The following GALNT18 variants were observed in gnomAD, a reference collection of about 807,000 sequenced individuals.
GALNT18 encodes the protein polypeptide N-acetylgalactosaminyltransferase 18.
GALNT18 carries 44 observed loss-of-function variants against 69.5 expected under a neutral mutation model. The observed-to-expected ratio is 0.63, with a 90% CI of 0.50 to 0.81. The LOEUF (loss-of-function observed/expected upper bound fraction) is 0.81. Ranked by LOEUF, GALNT18 falls within the 40% of genes least tolerant of loss-of-function variation. GALNT18 has a pLI of 0.00. For missense variants in GALNT18, 715 were observed against 810.0 expected, an observed-to-expected ratio of 0.88 and a Z score of 1.42; for synonymous variants, 364 against 318.2, an observed-to-expected ratio of 1.14 and a Z score of -1.53.
chr11:11,350,648 T>C (rs901547), intron 6 of GALNT18, among the ~76,000 whole-genome samples: 62,233 of 151,900 alleles, frequency 0.41, 13,699 homozygotes, highest in East Asian at 0.86. Context: ...GTCAGGAGGG[T>C]GCAAATCGAT....
At chr11:11,478,348 A>G (rs1382712935) in intron 1 of GALNT18, among the ~76,000 whole-genome samples, 3 of 152,220 alleles carry the variant, frequency 2.0e-5, no homozygotes, top group Non-Finnish European at 4.4e-5. Flanking sequence ...CAAAATATTT[A>G]TTTCCCATGG....
chr11:11,512,930 C>T (rs1025368642), intron 1 of GALNT18, among the ~76,000 whole-genome samples: 5 of 152,158 alleles, frequency 3.3e-5, no homozygotes, highest in East Asian at 1.9e-4. Flanking sequence ...TGTCTGTGTG[C>T]GTGGTACCTG....
chr11:11,278,831 TTAAAATAAC>T (rs1213168923), intron 10 of GALNT18, among the ~76,000 whole-genome samples: 1 of 152,134 alleles, frequency 6.6e-6, no homozygotes, highest in East Asian at 1.9e-4. Context: ...ATTGTATACT[TTAAAATAAC>T]TAAAAGTAGA....
intron 2 of GALNT18, among the ~76,000 whole-genome samples, chr11:11,443,367 A>G (rs1195703192): frequency 1.3e-5 from 2 of 152,100 alleles, no homozygotes; most frequent in African/African-American, 4.8e-5. Flanking sequence ...TCCATTTTTC[A>G]AAAAGAAATG....
chr11:11,522,591 T>A (rs1857425054), intron 1 of GALNT18, among the ~76,000 whole-genome samples: 2 of 152,174 alleles, frequency 1.3e-5, no homozygotes, highest in Admixed American at 1.3e-4. Context: ...CCATGCCACA[T>A]GCCACGCTCC....
Position 11,606,037 on chromosome 11 carries a change from T to C in GALNT18, c.235+15322A>G, listed in dbSNP as rs1251384902. ...CGTTCCTGTCCCTGACCCAAAAGCATAGCATAGAACAGCCTCTCAGAAGCC... is the reference window on the plus strand; with the variant it reads ...CGTTCCTGTCCCTGACCCAAAAGCACAGCATAGAACAGCCTCTCAGAAGCC... On this transcript the variant is annotated intron_variant, in intron 1 of 10. Coordinates refer to ENST00000227756, the MANE Select transcript of GALNT18 (RefSeq NM_198516.3). This position sits in a 1 kb window ranked among gnomAD's most constrained non-coding sequence, Gnocchi z 5.4. Among the ~76,000 whole-genome samples the C allele has an allele frequency of 6.6e-6, 1 of 152,156 alleles. No individual in the cohort carries two copies. The highest frequency in any genetic ancestry group is 2.4e-5 in the African/African-American group (1 of 41,430).
intron 9 of GALNT18, among the ~76,000 whole-genome samples, chr11:11,302,975 G>A (rs917950874): frequency 2.0e-5 from 3 of 152,220 alleles, no homozygotes; most frequent in Non-Finnish European, 2.9e-5. Flanking sequence ...ATAGGACAAA[G>A]CTCGAGTGAC....
In GALNT18 at chr11:11,469,895, C is replaced by A. The variant is rs1590031162; in HGVS notation, c.236-20959G>T. On this transcript the variant is annotated intron_variant, in intron 1 of 10. Coordinates refer to ENST00000227756, the MANE Select transcript of GALNT18 (RefSeq NM_198516.3). The surrounding 1 kb of genome is among the most constrained non-coding windows in gnomAD (Gnocchi z 4.2). ...AGAAGAGCATATTTAAGGACATAGT[C>A]ATTCCATCAGGCCCCCAGAACAGGG... Among the ~76,000 whole-genome samples the A allele has an allele frequency of 6.6e-6, 1 of 152,352 alleles. No individual in the cohort carries two copies. The highest frequency in any genetic ancestry group is 1.5e-5 in the Non-Finnish European group (1 of 68,032).
intron 9 of GALNT18, among the ~76,000 whole-genome samples, chr11:11,301,747 AC>A (rs1402074739): frequency 6.6e-6 from 1 of 151,856 alleles, no homozygotes; most frequent in Non-Finnish European, 1.5e-5. Flanking sequence ...TTCAACAAAC[AC>A]CCTCTTTGCC....
At chr11:11,455,445 A>C (rs1422418739) in intron 1 of GALNT18, among the ~76,000 whole-genome samples, 1 of 152,144 alleles carries the variant, frequency 6.6e-6, no homozygotes, top group African/African-American at 2.4e-5. Flanking sequence ...GGCTTCCTAA[A>C]GGAAAAGATG....
Position 11,603,836 on chromosome 11 carries a change from T to C in GALNT18, c.235+17523A>G, listed in dbSNP as rs188958289. ...TGCTATCATAAATAAATGTGTCTTA[T>C]GCATATATGTGTAACCACTTGCCAT... On this transcript the variant is annotated intron_variant, in intron 1 of 10. Coordinates refer to ENST00000227756, the MANE Select transcript of GALNT18 (RefSeq NM_198516.3). The surrounding 1 kb of genome is among the most constrained non-coding windows in gnomAD (Gnocchi z 4.5). Among the ~76,000 whole-genome samples the C allele has an allele frequency of 1.1e-4, 16 of 152,350 alleles. No individual in the cohort carries two copies. Among genetic ancestry groups the C allele is most frequent in the Non-Finnish European group, 1.6e-4 (11 of 68,034 alleles).
intron 6 of GALNT18, among the ~76,000 whole-genome samples, chr11:11,369,857 C>A (rs1279556163): frequency 6.6e-6 from 1 of 152,066 alleles, no homozygotes; most frequent in Non-Finnish European, 1.5e-5. Flanking sequence ...AATAGGGACT[C>A]AGTAGACATA....
rs1242125910 is a variant in GALNT18, at chr11:11,377,746, A to G, written c.780-367T>C. On this transcript the variant is annotated intron_variant, in intron 4 of 10. Transcript: ENST00000227756. The surrounding 1 kb of genome is among the most constrained non-coding windows in gnomAD (Gnocchi z 4.6). ...ATCTGAGGCTCCAGAAAAAGCTTTC[A>G]CCTTGGGCTTTGATTTTGCTAAAAT... Among the ~76,000 whole-genome samples the G allele has an allele frequency of 6.6e-6, 1 of 152,180 alleles. No homozygotes were observed. The highest frequency in any genetic ancestry group is 1.5e-5 in the Non-Finnish European group (1 of 68,036).
At position 11,347,108 on chromosome 11, in the gene GALNT18, C is replaced by T. The variant is rs1850317858; in HGVS notation, c.1093-6104G>A. 1.3e-5 allele frequency among the ~76,000 whole-genome samples: 2 copies of T among 152,202 alleles called. No individual in the cohort carries two copies. The highest frequency in any genetic ancestry group is 2.9e-5 in the Non-Finnish European group (2 of 68,040). ...TTACATCTTGTATTGGCCACTCACA[C>T]AAACAAGCCTCCTGCTCCCAAGCCT... On this transcript the variant is annotated intron_variant, in intron 6 of 10. Transcript: ENST00000227756. The surrounding 1 kb of genome is among the most constrained non-coding windows in gnomAD (Gnocchi z 4.0).
In GALNT18 at chr11:11,546,883, T is replaced by C. The variant is rs1858066064; in HGVS notation, c.235+74476A>G. The stretch of plus-strand genomic sequence containing the variant: ...CAGATGAGTAAGTGGGTGGGAGATG[T>C]GTATGGATGAATGGATAGATGGGTA... On this transcript the variant is annotated intron_variant, in intron 1 of 10. Coordinates refer to ENST00000227756, the MANE Select transcript of GALNT18 (RefSeq NM_198516.3). The surrounding 1 kb of genome is among the most constrained non-coding windows in gnomAD (Gnocchi z 5.8). 6.6e-6 allele frequency among the ~76,000 whole-genome samples: 1 copy of C among 151,334 alleles called. No homozygotes were observed. The highest frequency in any genetic ancestry group is 1.5e-5 in the Non-Finnish European group (1 of 67,912).
chr11:11,541,941 G>C lies in GALNT18; in HGVS notation c.235+79418C>G, dbSNP rs986589095. ...CCTCCTGCAGGAGAATCACAGGCAA[G>C]GCAACTATAGACACGAGCCAAACCC... On this transcript the variant is annotated intron_variant, in intron 1 of 10. Transcript: ENST00000227756. This position sits in a 1 kb window ranked among gnomAD's most constrained non-coding sequence, Gnocchi z 4.8. 1.3e-5 allele frequency among the ~76,000 whole-genome samples: 2 copies of C among 152,042 alleles called. No homozygotes were observed. Among genetic ancestry groups the C allele is most frequent in the African/African-American group, 4.8e-5 (2 of 41,392 alleles).
chr11:11,327,055 T>A (rs1318884173), intron 9 of GALNT18, 31 bp downstream of exon 9: 8 of 1,500,856 alleles, frequency 5.3e-6, no homozygotes, highest in Non-Finnish European at 7.4e-6. Context: ...ATATGCACAC[T>A]CCTGGCACAG....
rs1024667453 is a variant in GALNT18, at chr11:11,356,504, T to C, written c.1093-15500A>G. Among the ~76,000 whole-genome samples the C allele has an allele frequency of 6.6e-6, 1 of 152,210 alleles. No individual in the cohort carries two copies. The highest frequency in any genetic ancestry group is 2.4e-5 in the African/African-American group (1 of 41,446). On this transcript the variant is annotated intron_variant, in intron 6 of 10. Coordinates refer to ENST00000227756, the MANE Select transcript of GALNT18 (RefSeq NM_198516.3). The surrounding 1 kb of genome is among the most constrained non-coding windows in gnomAD (Gnocchi z 4.4). ...TCTTTGGCTTTTGTTTTTGCTTTTT[T>C]CCAAAATTCAGGAAATTAAACATTG...
At chr11:11,534,974 A>T (rs1857743288) in intron 1 of GALNT18, among the ~76,000 whole-genome samples, 1 of 152,218 alleles carries the variant, frequency 6.6e-6, no homozygotes, top group Non-Finnish European at 1.5e-5. Context: ...GAGCCAGCAG[A>T]CCTTGTTCGG....
Sources: allele counts gnomAD v4.1 joint callset (sites outside exome capture counted in the v4.1 genomes callset), GRCh38; gene constraint gnomAD v4.1.1; non-coding constraint Gnocchi (gnomAD v3.1); transcripts MANE v1.5; gene names NCBI Gene and HGNC (gene_info 2026-07-23, HGNC 2026-07-21).